Variants in ACIN1 observed in about 807,000 individuals in gnomAD.
ACIN1 encodes apoptotic chromatin condensation inducer 1.
A neutral mutation model predicts 146.6 loss-of-function variants in ACIN1; 16 were observed. The ratio of observed to expected loss-of-function variants is 0.11; its 90% CI spans 0.07 to 0.17. The LOEUF (loss-of-function observed/expected upper bound fraction) is 0.17, where lower values mean the gene tolerates loss of function less well. Ranked by LOEUF, ACIN1 falls within the 10% of genes least tolerant of loss-of-function variation. The pLI is 1.00. For synonymous variants in ACIN1, 569 were observed against 582.7 expected (o/e 0.98, Z 0.34); for missense variants, 1,357 against 1,609.3 (o/e 0.84, Z 2.68).
At chr14:23,071,683 C>T (rs1347953913) in intron 8 of ACIN1, 12 of 923,834 alleles carry the variant, frequency 1.3e-5, no homozygotes, top group East Asian at 2.8e-5. Flanking sequence ...CACAGGGAGC[C>T]GACTGCTGGC....
intron 1 of ACIN1, 117 bp downstream of exon 1, chr14:23,094,858 G>C (rs965503460): frequency 3.6e-5 from 50 of 1,382,688 alleles, no homozygotes; most frequent in Admixed American, 3.3e-4. Flanking sequence ...CCAGAGGCTC[G>C]CGCTGGCGGC....
chr14:23,068,747 C>A lies in ACIN1; in HGVS notation c.2265+729G>T. On this transcript the variant is annotated intron_variant, in intron 9 of 18. Coordinates refer to ENST00000605057, the MANE Select transcript of ACIN1 (RefSeq NM_001386863.1). This position sits in a 1 kb window ranked among gnomAD's most constrained non-coding sequence, Gnocchi z 4.3. ...GCACATCAAATCACTTTCACCGGCC[C>A]CCACCCCCGCAACACACACCAGAAA... is the stretch of plus-strand genomic sequence containing the variant. 1 of 985,450 alleles carries A rather than the reference C, an allele frequency of 1.0e-6. No homozygotes were observed. The highest frequency in any genetic ancestry group is 1.2e-6 in the Non-Finnish European group (1 of 829,988). 61.0% of individuals were successfully genotyped at this position (985,450 alleles called of 1,614,324 possible).
At chr14:23,077,162 T>C (rs1221607784) in intron 8 of ACIN1, among the ~76,000 whole-genome samples, 3 of 152,242 alleles carry the variant, frequency 2.0e-5, no homozygotes, top group African/African-American at 4.8e-5. Context: ...AGATAAATCA[T>C]GTCACCTGCC....
chr14:23,094,649 GA>G (rs1248928882), intron 1 of ACIN1: 1 of 808,114 alleles, frequency 1.2e-6, no homozygotes, highest in East Asian at 4.0e-5. Flanking sequence ...GTTGTAGTGG[GA>G]TTTAACTCCT....
chr14:23,070,426 A>G (rs1329531885), intron 8 of ACIN1, among the ~76,000 whole-genome samples: 1 of 151,996 alleles, frequency 6.6e-6, no homozygotes, highest in Non-Finnish European at 1.5e-5. Flanking sequence ...AACTTCCAAG[A>G]GATAAAGAGA....
At chr14:23,090,656 G>C (rs1301418625) in intron 2 of ACIN1, 23 bp from the exon 3 acceptor site, 1 of 1,586,726 alleles carries the variant, frequency 6.3e-7, no homozygotes. Context: ...AATGAAAACA[G>C]AGGGTCTAGG....
chr14:23,059,079 C>T lies in ACIN1; in HGVS notation c.*69G>A, dbSNP rs1360163486. The T allele has an allele frequency of 4.8e-6, 7 of 1,469,444 alleles. No individual in the cohort carries two copies. The East Asian group carries it at 1.4e-4, about 29-fold the overall frequency. The allele number at this position is 1,469,444 out of a possible 1,614,324, so 91.0% of individuals were successfully genotyped here. A position where few individuals can be genotyped will look rare whatever the true frequency, so the allele number is the denominator to read the frequency against. On this transcript the variant is annotated 3_prime_UTR_variant, in exon 19 of 19. Coordinates refer to ENST00000605057, the MANE Select transcript of ACIN1 (RefSeq NM_001386863.1). ...TGGCTCCAGGGTGGTGGAGACTGTGCCTATCCCTCTGTGGCCATAACCCCC... is the reference window on the plus strand; with the variant it reads ...TGGCTCCAGGGTGGTGGAGACTGTGTCTATCCCTCTGTGGCCATAACCCCC...
rs749891515 is a variant in ACIN1, at chr14:23,080,047, C to T, written c.1288G>A (p.Ala430Thr). 25 of 1,614,152 alleles carry T rather than the reference C, an allele frequency of 1.5e-5. No individual in the cohort carries two copies. The highest frequency in any genetic ancestry group is 1.7e-4 in the Middle Eastern group (1 of 6,052). Residue 430 changes from alanine (A) to threonine (T), a missense_variant, in exon 6 of 19, where the codon GCA (alanine) becomes ACA (threonine). By Grantham distance (58) the Ala-to-Thr change is moderately conservative. This residue lies in a region of ACIN1 where 771 missense variants were observed against 746.6 expected (regional missense o/e 1.03). Transcript: ENST00000605057. ...GGCACTTTCTCTGCTGGAGATTCTG[C>T]TTTGGTGTCTGAAGGACTTGACAAA... ...SPLSSPSDTK[A>T]ESPAEKVPEE...
Position 23,068,521 on chromosome 14 carries a change from T to A in ACIN1, c.2265+955A>T. The A allele has an allele frequency of 1.0e-6, 1 of 985,930 alleles. No individual in the cohort carries two copies. The highest frequency in any genetic ancestry group is 1.2e-6 in the Non-Finnish European group (1 of 829,970). 61.1% of individuals were successfully genotyped at this position (985,930 alleles called of 1,614,324 possible). A position where few individuals can be genotyped will look rare whatever the true frequency, so the allele number is the denominator to read the frequency against. On this transcript the variant is annotated intron_variant, in intron 9 of 18. Coordinates refer to ENST00000605057, the MANE Select transcript of ACIN1 (RefSeq NM_001386863.1). This position sits in a 1 kb window ranked among gnomAD's most constrained non-coding sequence, Gnocchi z 4.3. ...GGCCCATCACAGGAGCCCATATACA[T>A]GCCCCCCTCTGGCCAAGACACCTGG...
Position 23,089,742 on chromosome 14 carries a change from G to C in ACIN1, c.436+240C>G, listed in dbSNP as rs114123880. ...AATTCAGAGGTAGAAGAGTTGAAGA[G>C]GTACAGATGAGAAGAAAAATCACAC... On this transcript the variant is annotated intron_variant, in intron 4 of 18. Coordinates refer to ENST00000605057, the MANE Select transcript of ACIN1 (RefSeq NM_001386863.1). Among the ~76,000 whole-genome samples, 686 of 152,268 alleles carry C rather than the reference G, an allele frequency of 4.5e-3. 3 individuals are homozygous for C. The highest frequency in any genetic ancestry group is 0.016 in the African/African-American group (655 of 41,536).
At position 23,090,086 on chromosome 14, in the gene ACIN1, G is replaced by A. The variant is rs772790365; in HGVS notation, c.332C>T (p.Ser111Leu). 1.8e-5 allele frequency: 29 copies of A among 1,613,816 alleles called. No individual in the cohort carries two copies. Among genetic ancestry groups the A allele is most frequent in the East Asian group, 2.2e-5 (1 of 44,898 alleles). Residue 111 changes from serine (S) to leucine (L), a missense_variant, in exon 4 of 19, where the codon TCG (serine) becomes TTG (leucine). Coordinates refer to ENST00000605057, the MANE Select transcript of ACIN1 (RefSeq NM_001386863.1). ...AAELEEASAE[S>L]EDEMIHPEGV... ...CTCAGGATGGATCATCTCGTCCTCCGACTCAGCTGAAGCTTCTGCAAAGTA... is the reference window on the plus strand; with the variant it reads ...CTCAGGATGGATCATCTCGTCCTCCAACTCAGCTGAAGCTTCTGCAAAGTA...
At chr14:23,061,774 C>T (rs982021580) in intron 16 of ACIN1, 152 bp from the exon 17 acceptor site, 2 of 680,410 alleles carry the variant, frequency 2.9e-6, no homozygotes, top group Non-Finnish European at 4.8e-6. Flanking sequence ...GAGACCGAGA[C>T]CATCCTGGCT....
At chr14:23,094,316 C>T (rs2048309500) in intron 1 of ACIN1, among the ~76,000 whole-genome samples, 1 of 152,158 alleles carries the variant, frequency 6.6e-6, no homozygotes, top group African/African-American at 2.4e-5. Context: ...TACCTCATGA[C>T]AATCCCACCT....
chr14:23,063,696 T>C, intron 12 of ACIN1, 119 bp from the exon 13 acceptor site: 1 of 1,190,900 alleles, frequency 8.4e-7, no homozygotes, highest in Non-Finnish European at 1.2e-6. Flanking sequence ...CCGCTAGGGG[T>C]ATTTCGTTAT....
chr14:23,062,934 T>G lies in ACIN1; in HGVS notation c.2878A>C (p.Asn960His). Residue 960 changes from asparagine (N) to histidine (H), a missense_variant, in exon 14 of 19, where the codon AAT becomes CAT. By Grantham distance (68) the Asn-to-His change is moderately conservative. Transcript: ENST00000605057. ...GKISNIVHISNLVRPFTLGQL... is the reference protein window; with the variant it reads ...GKISNIVHISHLVRPFTLGQL... ...GGTGAGAAACAATGACTTACCAAAT[T>G]GGAGATATGGACAATGTTGCTAATC... is the stretch of plus-strand genomic sequence containing the variant. 1 of 1,603,568 alleles carries G rather than the reference T, an allele frequency of 6.2e-7. No individual in the cohort carries two copies. The highest frequency in any genetic ancestry group is 1.7e-4 in the Middle Eastern group (1 of 6,022).
At chr14:23,069,365 C>T (rs1449589945) in intron 9 of ACIN1, 111 bp downstream of exon 9, 1 of 1,485,982 alleles carries the variant, frequency 6.7e-7, no homozygotes, top group African/African-American at 1.4e-5. Context: ...GTCCCTGCCT[C>T]ATCCCTCCTT....
intron 8 of ACIN1, chr14:23,071,585 C>T (rs972137873): frequency 1.2e-5 from 18 of 1,537,792 alleles, no homozygotes; most frequent in East Asian, 4.9e-5. Context: ...CCTGTGTGTG[C>T]GGATGGGGGA....
chr14:23,069,136 A>C, intron 9 of ACIN1: 1 of 1,022,074 alleles, frequency 9.8e-7, no homozygotes, highest in Non-Finnish European at 1.2e-6. Context: ...GGAAAGCTAA[A>C]GGAGTTACCA....
In ACIN1 at chr14:23,085,774, T is replaced by C. The variant is rs1594781834; in HGVS notation, c.437-3938A>G. 2.6e-5 allele frequency among the ~76,000 whole-genome samples: 4 copies of C among 152,202 alleles called. No individual in the cohort carries two copies. The South Asian group carries it at 8.3e-4, about 32-fold the overall frequency. ...ATTATAAGAACATGGCCACAATGAA[T>C]GTCTTAGGCCAGATGTTAGTAACAC... On this transcript the variant is annotated intron_variant, in intron 4 of 18. Coordinates refer to ENST00000605057, the MANE Select transcript of ACIN1 (RefSeq NM_001386863.1).
Sources: allele counts gnomAD v4.1 joint callset (sites outside exome capture counted in the v4.1 genomes callset), GRCh38; gene constraint gnomAD v4.1.1; regional missense constraint gnomAD v4.1.1; non-coding constraint Gnocchi (gnomAD v3.1); transcripts MANE v1.5; gene names NCBI Gene and HGNC (gene_info 2026-07-23, HGNC 2026-07-21).